ATF7: variants seen among roughly 807,000 people sequenced by gnomAD.
ATF7 encodes activating transcription factor 7.
In ATF7, 10 loss-of-function variants were observed where a neutral mutation model predicts 50.4. The ratio of observed to expected loss-of-function variants is 0.20; its 90% CI spans 0.12 to 0.34. The LOEUF is 0.34. Ranked by LOEUF, ATF7 falls within the 10% of genes least tolerant of loss-of-function variation. The probability of loss-of-function intolerance (pLI) is 1.00; values close to 1 mark genes in which losing one functional copy is unlikely to be tolerated. For synonymous variants in ATF7, 201 were observed against 226.4 expected (o/e 0.89, Z 1.01); for missense variants, 465 against 613.9 (o/e 0.76, Z 2.56).
At chr12:53,619,494 AAAAAAAAAAG>A (rs1944286888) in intron 1 of ATF7, among the ~76,000 whole-genome samples, 3 of 150,696 alleles carry the variant, frequency 2.0e-5, no homozygotes, top group South Asian at 4.2e-4. Flanking sequence ...GTCAAAAAAA[AAAAAAAAAAG>A]AAAAAAAAAA....
In ATF7 at chr12:53,532,595, T is replaced by C; in HGVS notation, c.689A>G (p.Asn230Ser). 6.2e-7 allele frequency: 1 copy of C among 1,608,364 alleles called. No homozygotes were observed. The highest frequency in any genetic ancestry group is 8.5e-7 in the Non-Finnish European group (1 of 1,177,678). ...SLARPVSMVP[N>S]IPGIPGPPVN... ...TGGTGGGCCAGGGATACCAGGAATG[T>C]TGGGCACCATGGACACAGGTCTGGC... The change falls in exon 8 of 12, where the codon AAC (asparagine) becomes AGC (serine). Residue 230 changes from asparagine to serine, a missense_variant. Physicochemically the swap from Asn to Ser is conservative, Grantham distance 46. Transcript: ENST00000420353.
At chr12:53,594,010 T>C (rs1943051743) in intron 2 of ATF7, among the ~76,000 whole-genome samples, 1 of 152,266 alleles carries the variant, frequency 6.6e-6, no homozygotes, top group South Asian at 2.1e-4. Flanking sequence ...TTTAATCTGC[T>C]GCATTCGCTG....
intron 2 of ATF7, among the ~76,000 whole-genome samples, chr12:53,584,402 C>A (rs183189160): frequency 6.6e-6 from 1 of 152,342 alleles, no homozygotes; most frequent in African/African-American, 2.4e-5. Context: ...CAAGAACTCT[C>A]ATTCATTTTT....
chr12:53,596,712 T>G (rs1263476056), intron 2 of ATF7, among the ~76,000 whole-genome samples: 2 of 152,288 alleles, frequency 1.3e-5, no homozygotes, highest in Middle Eastern at 3.4e-3. Context: ...CGCTTCCACA[T>G]ACAATGGAAC....
At chr12:53,583,573 C>A (rs1208747944) in intron 2 of ATF7, among the ~76,000 whole-genome samples, 1 of 152,038 alleles carries the variant, frequency 6.6e-6, no homozygotes, top group Non-Finnish European at 1.5e-5. Context: ...GAAAAAAATT[C>A]TTCCAGGAAA....
At position 53,515,208 on chromosome 12, in the gene ATF7, G is replaced by A. The variant is rs1420436966; in HGVS notation, c.*1929C>T. On this transcript the variant is annotated 3_prime_UTR_variant, in exon 12 of 12. Transcript: ENST00000420353. ...CAGCACCAGCTCTGAAAAGCAGGAG[G>A]GGAAATTTAAAACAAATGCAGCAGA... The A allele has an allele frequency of 6.6e-6, 1 of 152,188 alleles. No individual in the cohort carries two copies. Among genetic ancestry groups the A allele is most frequent in the Non-Finnish European group, 1.5e-5 (1 of 68,048 alleles). The allele number at this position is 152,188 out of a possible 1,614,324, so 9.4% of individuals were successfully genotyped here. A position where few individuals can be genotyped will look rare whatever the true frequency, so the allele number is the denominator to read the frequency against.
intron 11 of ATF7, among the ~76,000 whole-genome samples, chr12:53,521,304 C>T (rs1938113033): frequency 6.6e-6 from 1 of 152,180 alleles, no homozygotes; most frequent in Non-Finnish European, 1.5e-5. Context: ...AATTATATCA[C>T]TTTTCTGCTG....
chr12:53,560,762 G>A (rs1188435606), intron 2 of ATF7, among the ~76,000 whole-genome samples: 5 of 152,162 alleles, frequency 3.3e-5, no homozygotes, highest in Non-Finnish European at 7.3e-5. Context: ...TGAGCCCTGA[G>A]TGTGTAAACT....
chr12:53,551,122 T>C (rs1940327206), intron 3 of ATF7, among the ~76,000 whole-genome samples: 1 of 152,252 alleles, frequency 6.6e-6, no homozygotes, highest in Non-Finnish European at 1.5e-5. Flanking sequence ...CTGACCTATA[T>C]GTATACCCTA....
rs779890063 is a variant in ATF7 at position 53,534,547 on chromosome 12, G to A, written c.515C>T (p.Pro172Leu). ...TGGAGCCTGTGTGATGACAGAGGTT[G>A]GGGAGGGAAGGGTTGGATGAAGTGG... ...YDPLHPTLPSPTSVITQAPPS... is the reference protein window; with the variant it reads ...YDPLHPTLPSLTSVITQAPPS... Residue 172 changes from proline to leucine, a missense_variant, in exon 6 of 12, where the codon CCA becomes CTA. By Grantham distance (98) the Pro-to-Leu change is moderately conservative (BLOSUM62 -3). Transcript: ENST00000420353. 1 of 1,613,904 alleles carries A rather than the reference G, an allele frequency of 6.2e-7. No individual in the cohort carries two copies. The highest frequency in any genetic ancestry group is 8.5e-7 in the Non-Finnish European group (1 of 1,179,852).
chr12:53,528,549 G>A (rs563816421), intron 9 of ATF7, among the ~76,000 whole-genome samples: 63 of 152,100 alleles, frequency 4.1e-4, no homozygotes, highest in Non-Finnish European at 7.2e-4. Context: ...GATCACCTGA[G>A]GTCAGGAGTT....
chr12:53,600,791 C>T (rs1943366596), intron 2 of ATF7, 162 bp downstream of exon 2: 1 of 625,016 alleles, frequency 1.6e-6, no homozygotes, highest in African/African-American at 1.8e-5. Flanking sequence ...CGGTAGAGTG[C>T]CTACACTTCC....
chr12:53,607,256 T>C (rs939495269), intron 1 of ATF7, among the ~76,000 whole-genome samples: 2 of 152,242 alleles, frequency 1.3e-5, no homozygotes, highest in Non-Finnish European at 2.9e-5. Context: ...ATTGCCATTC[T>C]AACTGGTGTG....
chr12:53,583,485 A>T (rs1291693622), intron 2 of ATF7, among the ~76,000 whole-genome samples: 2 of 151,846 alleles, frequency 1.3e-5, no homozygotes, highest in East Asian at 3.8e-4. Flanking sequence ...TTTCACTATT[A>T]TATTATAATT....
intron 4 of ATF7, chr12:53,543,090 C>T (rs1285335166): frequency 2.9e-6 from 4 of 1,388,424 alleles, no homozygotes; most frequent in Non-Finnish European, 3.7e-6. Context: ...CTAATACTCC[C>T]CTGGAAGAAC....
chr12:53,625,196 C>T (rs1944554904), intron 1 of ATF7, among the ~76,000 whole-genome samples: 1 of 152,194 alleles, frequency 6.6e-6, no homozygotes, highest in Non-Finnish European at 1.5e-5. Flanking sequence ...TTCAGAGCAA[C>T]ATATTAAGTC....
intron 1 of ATF7, 46 bp from the exon 2 acceptor site, chr12:53,601,067 AG>A: frequency 1.6e-6 from 2 of 1,241,988 alleles, no homozygotes; most frequent in Non-Finnish European, 2.2e-6. Context: ...AATATGCTGG[AG>A]CAAAAAAAAA....
chr12:53,584,037 T>C (rs1038470424), intron 2 of ATF7, among the ~76,000 whole-genome samples: 2 of 152,202 alleles, frequency 1.3e-5, no homozygotes, highest in Non-Finnish European at 1.5e-5. Context: ...TGGAGTACAG[T>C]GGCGTGATCT....
chr12:53,560,008 C>T (rs1256608390), intron 2 of ATF7, among the ~76,000 whole-genome samples: 3 of 150,506 alleles, frequency 2.0e-5, no homozygotes, highest in Admixed American at 6.6e-5. Flanking sequence ...CCGCAACCTC[C>T]GCCTCCTGGG....
Sources: allele counts gnomAD v4.1 joint callset (sites outside exome capture counted in the v4.1 genomes callset), GRCh38; gene constraint gnomAD v4.1.1; transcripts MANE v1.5; gene names NCBI Gene and HGNC (gene_info 2026-07-23, HGNC 2026-07-21).